TMPRSS11A: variants seen among roughly 807,000 people sequenced by gnomAD.
TMPRSS11A encodes the protein transmembrane protease serine 11A.
A neutral mutation model predicts 58.9 loss-of-function variants in TMPRSS11A; 53 were observed. The ratio of observed to expected loss-of-function variants is 0.90; its 90% CI spans 0.72 to 1.13. The LOEUF (loss-of-function observed/expected upper bound fraction) is 1.13, where lower values mean the gene tolerates loss of function less well. TMPRSS11A is among the 50% of genes most tolerant of loss of function. The probability of loss-of-function intolerance (pLI) is 0.00; values close to 1 mark genes in which losing one functional copy is unlikely to be tolerated. For missense variants in TMPRSS11A, 493 were observed against 499.3 expected, an observed-to-expected ratio of 0.99 and a Z score of 0.12; for synonymous variants, 167 against 169.8, an observed-to-expected ratio of 0.98 and a Z score of 0.13.
chr4:67,953,383 C>T (rs1473797653), intron 1 of TMPRSS11A, among the ~76,000 whole-genome samples: 1 of 152,012 alleles, frequency 6.6e-6, no homozygotes, highest in Non-Finnish European at 1.5e-5. Flanking sequence ...CTAATACAAC[C>T]CCAGGGCCTA....
Position 67,922,788 on chromosome 4 carries a change from G to A in TMPRSS11A, c.659C>T (p.Thr220Ile), listed in dbSNP as rs755004804. The A allele has an allele frequency of 6.2e-7, 1 of 1,614,140 alleles. No homozygotes were observed. Among genetic ancestry groups the A allele is most frequent in the Non-Finnish European group, 8.5e-7 (1 of 1,180,014 alleles). The change falls in exon 7 of 10, where the codon ACA (threonine) becomes ATA (isoleucine). Residue 220 changes from threonine (T) to isoleucine (I), a missense_variant. Physicochemically the swap from Thr to Ile is moderately conservative, Grantham distance 89. Transcript: ENST00000508048. ...HQCGATLISN[T>I]WLVTAAHCFQ... Reference sequence around the variant, plus strand: ...GCAGTGTGCTGCAGTGACAAGCCATGTGTTACTAATCAAGGTGGCCCCACA... The same window carrying A: ...GCAGTGTGCTGCAGTGACAAGCCATATGTTACTAATCAAGGTGGCCCCACA...
intron 5 of TMPRSS11A, among the ~76,000 whole-genome samples, chr4:67,924,993 T>A (rs1384616959): frequency 6.7e-6 from 1 of 150,256 alleles, no homozygotes; most frequent in Non-Finnish European, 1.5e-5. Context: ...TTTTTTTTGG[T>A]TAAAGGGTTT....
chr4:67,962,503 G>A (rs966083745), intron 1 of TMPRSS11A, among the ~76,000 whole-genome samples: 3 of 152,150 alleles, frequency 2.0e-5, no homozygotes, highest in African/African-American at 2.4e-5. Flanking sequence ...ACCTGGAGAC[G>A]TCCCCTAACT....
At chr4:67,932,334 C>T (rs1166301647) in intron 3 of TMPRSS11A, among the ~76,000 whole-genome samples, 2 of 152,134 alleles carry the variant, frequency 1.3e-5, no homozygotes, top group African/African-American at 2.4e-5. Context: ...AGTAATTCTA[C>T]TGTGCTAGAG....
At chr4:67,914,346 T>G (rs977491787) in intron 9 of TMPRSS11A, among the ~76,000 whole-genome samples, 1 of 152,240 alleles carries the variant, frequency 6.6e-6, no homozygotes, top group African/African-American at 2.4e-5. Flanking sequence ...AACTGCTTTA[T>G]TAATCTTTGG....
At chr4:67,927,389 C>T (rs919447789) in intron 5 of TMPRSS11A, among the ~76,000 whole-genome samples, 3 of 152,208 alleles carry the variant, frequency 2.0e-5, no homozygotes, top group African/African-American at 4.8e-5. Flanking sequence ...AGGGAAGCTG[C>T]TTGCAGTGAG....
chr4:67,926,860 G>T (rs994090320), intron 5 of TMPRSS11A, among the ~76,000 whole-genome samples: 2 of 152,150 alleles, frequency 1.3e-5, no homozygotes, highest in Admixed American at 6.5e-5. Flanking sequence ...GTGACTGGGA[G>T]ACCATGGGAC....
rs139010197 is a variant in TMPRSS11A, at chr4:67,944,628, T to C, written c.143A>G (p.Lys48Arg). The C allele has an allele frequency of 0.021, 33,612 of 1,604,698 alleles. 431 individuals are homozygous for C. The highest frequency in any genetic ancestry group is 0.03 in the Middle Eastern group (178 of 5,998). The part of the protein sequence containing the change: ...LVHFLVFDQK[K>R]EYYHGSFKIL... ...TTTAAAGGAGCCATGATAGTACTCC[T>C]TTTTTTGGTCTGCAATGGAAATGAA... The change falls in exon 3 of 10, where the codon AAG (lysine) becomes AGG (arginine). Residue 48 changes from lysine (K) to arginine (R), a missense_variant. Transcript: ENST00000508048.
At position 67,946,520 on chromosome 4, in the gene TMPRSS11A, G is replaced by A. The variant is rs767468424; in HGVS notation, c.63C>T (p.Ala21=). The A allele has an allele frequency of 3.7e-6, 6 of 1,612,566 alleles. No individual in the cohort carries two copies. The East Asian group carries it at 6.7e-5, about 18-fold the overall frequency. The change falls in exon 2 of 10, where the codon GCC becomes GCT. Residue 21 remains alanine (A), a synonymous_variant. Transcript: ENST00000508048. ...RSRNLKPWMI[A]VLIVLSLTVV... Reference sequence around the variant, plus strand: ...CTGTCAGGGACAACACAATGAGAACGGCAATCATCCATGGCTTCAGATTTC... The same window carrying A: ...CTGTCAGGGACAACACAATGAGAACAGCAATCATCCATGGCTTCAGATTTC...
At chr4:67,959,378 A>G (rs560428976) in intron 1 of TMPRSS11A, among the ~76,000 whole-genome samples, 21 of 152,320 alleles carry the variant, frequency 1.4e-4, no homozygotes, top group Middle Eastern at 3.4e-3. Context: ...ACTAAAGAGT[A>G]TCTGCACAGC....
intron 7 of TMPRSS11A, among the ~76,000 whole-genome samples, chr4:67,921,677 TG>T (rs1290892492): frequency 1.3e-5 from 2 of 152,170 alleles, no homozygotes; most frequent in Non-Finnish European, 2.9e-5. Flanking sequence ...CCTAGGCAAA[TG>T]AAATTTATTA....
intron 3 of TMPRSS11A, among the ~76,000 whole-genome samples, chr4:67,934,498 A>G (rs977915842): frequency 5.3e-5 from 8 of 152,176 alleles, no homozygotes; most frequent in African/African-American, 1.9e-4. Context: ...ATCTATTGTT[A>G]TCTATACAAC....
At chr4:67,917,856 C>A (rs1054315604) in intron 8 of TMPRSS11A, among the ~76,000 whole-genome samples, 13 of 152,102 alleles carry the variant, frequency 8.5e-5, no homozygotes, top group Non-Finnish European at 1.8e-4. Flanking sequence ...AGAGTGCAGA[C>A]CTAGGGAGGT....
Position 67,944,627 on chromosome 4 carries a change from C to CT in TMPRSS11A, c.143dup (p.Glu49GlyfsTer8). On this transcript the variant is annotated frameshift_variant, in exon 3 of 10. Transcript: ENST00000508048. LOFTEE classifies it high-confidence loss of function. ...TTTTAAAGGAGCCATGATAGTACTC[C>CT]TTTTTTTGGTCTGCAATGGAAATGA... 1 of 1,609,752 alleles carries CT rather than the reference C, an allele frequency of 6.2e-7. No individual in the cohort carries two copies. The highest frequency in any genetic ancestry group is 8.5e-7 in the Non-Finnish European group (1 of 1,178,130).
chr4:67,955,112 A>T (rs1488080526), intron 1 of TMPRSS11A, among the ~76,000 whole-genome samples: 2 of 152,148 alleles, frequency 1.3e-5, no homozygotes, highest in African/African-American at 4.8e-5. Flanking sequence ...GCCCCATAGG[A>T]GGGAGTTTAG....
chr4:67,923,070 T>C (rs1720373229), intron 6 of TMPRSS11A, 144 bp from the exon 7 acceptor site: 1 of 692,934 alleles, frequency 1.4e-6, no homozygotes, highest in Admixed American at 2.7e-5. Flanking sequence ...ATTCATGGCC[T>C]CTTCTCTCTC....
chr4:67,936,371 A>T (rs994830412), intron 3 of TMPRSS11A, among the ~76,000 whole-genome samples: 5 of 149,084 alleles, frequency 3.4e-5, no homozygotes, highest in Admixed American at 1.3e-4. Flanking sequence ...TCAGCTATGA[A>T]CCATTCTCTC....
intron 7 of TMPRSS11A, among the ~76,000 whole-genome samples, chr4:67,920,863 C>T (rs1560564395): frequency 1.3e-5 from 2 of 152,098 alleles, no homozygotes. Context: ...TATACATACA[C>T]CATGGAATGC....
intron 4 of TMPRSS11A, among the ~76,000 whole-genome samples, chr4:67,931,495 C>G (rs1001271859): frequency 1.3e-5 from 2 of 152,098 alleles, no homozygotes; most frequent in East Asian, 3.8e-4. Flanking sequence ...TCCACCATGA[C>G]AGAAAGAAAA....
Sources: allele counts gnomAD v4.1 joint callset (sites outside exome capture counted in the v4.1 genomes callset), GRCh38; gene constraint gnomAD v4.1.1; transcripts MANE v1.5; gene names NCBI Gene and HGNC (gene_info 2026-07-23, HGNC 2026-07-21).